The following RAB22A variants were observed in gnomAD, a reference collection of about 807,000 sequenced individuals.
The protein encoded by RAB22A is RAB22A, member RAS oncogene family.
RAB22A carries 13 observed loss-of-function variants against 30.2 expected under a neutral mutation model. That is an observed-to-expected ratio of 0.43 (90% CI 0.28 to 0.68). RAB22A has a LOEUF of 0.68. RAB22A is among the 30% of genes least tolerant of loss of function. RAB22A has a pLI of 0.18. For missense variants in RAB22A, 177 were observed against 246.8 expected, an observed-to-expected ratio of 0.72 and a Z score of 1.89; for synonymous variants, 89 against 87.2, an observed-to-expected ratio of 1.02 and a Z score of -0.11.
At chr20:58,330,772 G>A (rs2122943824) in intron 2 of RAB22A, among the ~76,000 whole-genome samples, 1 of 152,254 alleles carries the variant, frequency 6.6e-6, no homozygotes, top group Middle Eastern at 3.4e-3. Context: ...TGGATTGGCA[G>A]GATTTAAACT....
chr20:58,336,478 T>C (rs891780200), intron 2 of RAB22A, among the ~76,000 whole-genome samples: 1 of 152,230 alleles, frequency 6.6e-6, no homozygotes, highest in Non-Finnish European at 1.5e-5. Context: ...GTAGAGACTT[T>C]AAGGATACTG....
rs545014450 is a variant in RAB22A at position 58,362,467 on chromosome 20, A to G, written c.*2764A>G. On this transcript the variant is annotated 3_prime_UTR_variant, in exon 7 of 7. Coordinates refer to ENST00000244040, the MANE Select transcript of RAB22A (RefSeq NM_020673.3). ...TTTGGTTTTCTTACGATACAGGGCC[A>G]TTTTTTTAAAACTCTCAGGACTGAA... The G allele has an allele frequency of 1.3e-5, 2 of 152,290 alleles. No individual in the cohort carries two copies. Among genetic ancestry groups the G allele is most frequent in the Non-Finnish European group, 1.5e-5 (1 of 68,014 alleles). 9.4% of individuals were successfully genotyped at this position (152,290 alleles called of 1,614,324 possible).
At chr20:58,344,626 A>G (rs1188335598) in intron 3 of RAB22A, among the ~76,000 whole-genome samples, 6 of 152,260 alleles carry the variant, frequency 3.9e-5, no homozygotes, top group African/African-American at 1.4e-4. Flanking sequence ...CAAACAGCAC[A>G]TCTGATAGAT....
rs73616261 is a variant in RAB22A at position 58,322,096 on chromosome 20, C to A, written c.116+10974C>A. ...GACAGGCATGAGCCACCTCACCGGG[C>A]GTCATTGTTAGATTTTCTTGATGAC... is the stretch of plus-strand genomic sequence containing the variant. On this transcript the variant is annotated intron_variant, in intron 2 of 6. Transcript: ENST00000244040. Among the ~76,000 whole-genome samples, 3 of 152,282 alleles carry A rather than the reference C, an allele frequency of 2.0e-5. No individual in the cohort carries two copies. In the East Asian group the frequency reaches 5.8e-4, roughly 29 times the overall value.
chr20:58,350,624 A>G (rs1987032487), intron 3 of RAB22A, among the ~76,000 whole-genome samples: 1 of 152,268 alleles, frequency 6.6e-6, no homozygotes, highest in Non-Finnish European at 1.5e-5. Context: ...ACCAGAAGCC[A>G]GAGGAACAGG....
At chr20:58,325,132 A>ACTGCACTCCACTG (rs1986542063) in intron 2 of RAB22A, among the ~76,000 whole-genome samples, 1 of 140,490 alleles carries the variant, frequency 7.1e-6, no homozygotes, top group African/African-American at 2.7e-5. Context: ...AGCCGAGATT[A>ACTGCACTCCACTG]CACCACTGCA....
At chr20:58,317,837 C>T (rs1330455901) in intron 2 of RAB22A, among the ~76,000 whole-genome samples, 2 of 150,726 alleles carry the variant, frequency 1.3e-5, no homozygotes, top group South Asian at 2.1e-4. Flanking sequence ...TGAACCACCA[C>T]GCCTGGCCTA....
chr20:58,328,791 T>C (rs1048084057), intron 2 of RAB22A, among the ~76,000 whole-genome samples: 2 of 152,070 alleles, frequency 1.3e-5, no homozygotes, highest in African/African-American at 4.8e-5. Flanking sequence ...ACCTACCTGC[T>C]TGGCCTACCT....
At chr20:58,321,090 C>G (rs528170905) in intron 2 of RAB22A, among the ~76,000 whole-genome samples, 3 of 151,428 alleles carry the variant, frequency 2.0e-5, no homozygotes, top group African/African-American at 7.3e-5. Flanking sequence ...TTCAGGAGGC[C>G]GAGGCAAGAG....
intron 3 of RAB22A, among the ~76,000 whole-genome samples, chr20:58,350,972 CAAG>C (rs1290771897): frequency 6.6e-6 from 1 of 152,084 alleles, no homozygotes; most frequent in African/African-American, 2.4e-5. Context: ...GGTAGGATAA[CAAG>C]AAATTAGACT....
chr20:58,360,743 TG>T lies in RAB22A; in HGVS notation c.*1042del, dbSNP rs1240944349. 4 of 152,762 alleles carry T rather than the reference TG, an allele frequency of 2.6e-5. No individual in the cohort carries two copies. In the East Asian group the frequency reaches 7.7e-4, roughly 29 times the overall value. 9.5% of individuals were successfully genotyped at this position (152,762 alleles called of 1,614,324 possible). ...CTCTTAACGGGAGACTCAAGCACAT[TG>T]GTATTGTATAAAGGTATAGAGCACT... On this transcript the variant is annotated 3_prime_UTR_variant, in exon 7 of 7. Transcript: ENST00000244040.
In RAB22A at chr20:58,354,238, A is replaced by G; in HGVS notation, c.460A>G (p.Asn154Asp). The change falls in exon 6 of 7, where the codon AAC becomes GAC. Residue 154 changes from asparagine (N) to aspartate (D), a missense_variant. Physicochemically the swap from Asn to Asp is conservative, Grantham distance 23. Coordinates refer to ENST00000244040, the MANE Select transcript of RAB22A (RefSeq NM_020673.3). ...AGAGACCAGCGCAAAAAACGCGATA[A>G]ACATAAATGAACTCTTTATAGAAAT... ...FVETSAKNAI[N>D]INELFIEISR... The G allele has an allele frequency of 1.2e-6, 2 of 1,613,002 alleles. No individual in the cohort carries two copies. The highest frequency in any genetic ancestry group is 1.7e-6 in the Non-Finnish European group (2 of 1,179,130).
Position 58,366,616 on chromosome 20 carries a change from A to AG in RAB22A, c.*6914dup, listed in dbSNP as rs1182808832. ...CAACTCTTAATTTAACATTTTTGAA[A>AG]GAAAAAAAAACCGGCCAGAGCATTA... is the stretch of plus-strand genomic sequence containing the variant. On this transcript the variant is annotated 3_prime_UTR_variant, in exon 7 of 7. Transcript: ENST00000244040. 1 of 152,074 alleles carries AG rather than the reference A, an allele frequency of 6.6e-6. No individual in the cohort carries two copies. The highest frequency in any genetic ancestry group is 2.4e-5 in the African/African-American group (1 of 41,316). The allele number at this position is 152,074 out of a possible 1,614,324, so 9.4% of individuals were successfully genotyped here.
chr20:58,315,881 T>A (rs558309211), intron 2 of RAB22A, among the ~76,000 whole-genome samples: 1 of 152,292 alleles, frequency 6.6e-6, no homozygotes, highest in South Asian at 2.1e-4. Context: ...TGTTGCTGTG[T>A]GAGCTTCATT....
rs116558050 is a variant in RAB22A, at chr20:58,323,445, C to G, written c.116+12323C>G. ...AGTTTTTTTAATCTTTATTCTAATT[C>G]TTAAACATTTTACTTATTCTATGAG... On this transcript the variant is annotated intron_variant, in intron 2 of 6. Coordinates refer to ENST00000244040, the MANE Select transcript of RAB22A (RefSeq NM_020673.3). Among the ~76,000 whole-genome samples, 1,415 of 151,762 alleles carry G rather than the reference C, an allele frequency of 9.3e-3. 23 individuals carry two copies. The highest frequency in any genetic ancestry group is 0.031 in the Middle Eastern group (9 of 294).
At chr20:58,342,977 C>G (rs1249935420) in intron 2 of RAB22A, among the ~76,000 whole-genome samples, 1 of 152,118 alleles carries the variant, frequency 6.6e-6, no homozygotes, top group African/African-American at 2.4e-5. Flanking sequence ...ATGTAGAACC[C>G]CCAAAATAAT....
intron 2 of RAB22A, among the ~76,000 whole-genome samples, chr20:58,341,291 G>A (rs899939516): frequency 2.0e-5 from 3 of 152,172 alleles, no homozygotes; most frequent in African/African-American, 7.2e-5. Context: ...AATGGAAGAA[G>A]GCCTAAGACG....
chr20:58,318,723 A>G (rs181761337), intron 2 of RAB22A, among the ~76,000 whole-genome samples: 11 of 151,544 alleles, frequency 7.3e-5, no homozygotes, highest in African/African-American at 2.4e-4. Flanking sequence ...TCCTCCTCCC[A>G]CCTCCTTGTG....
intron 2 of RAB22A, among the ~76,000 whole-genome samples, chr20:58,337,492 C>T (rs906941542): frequency 1.3e-5 from 2 of 152,118 alleles, no homozygotes; most frequent in African/African-American, 4.8e-5. Context: ...AGGTGCAGAT[C>T]CTAGGATGCC....
Sources: gnomAD v4.1 joint callset for allele counts (sites outside exome capture counted in the v4.1 genomes callset) on GRCh38, gnomAD v4.1.1 for gene constraint, MANE v1.5 for transcripts, NCBI Gene and HGNC (gene_info 2026-07-23, HGNC 2026-07-21) for gene names.